Variants in NFIB observed in about 807,000 individuals in gnomAD.
NFIB encodes nuclear factor 1 B-type.
In NFIB, 11 loss-of-function variants were observed where a neutral mutation model predicts 61.5. The observed-to-expected ratio is 0.18, with a 90% CI of 0.11 to 0.30. The LOEUF (loss-of-function observed/expected upper bound fraction) is 0.30, where lower values mean the gene tolerates loss of function less well. Among genes scored for constraint, NFIB ranks in the 10% least tolerant of loss-of-function variants. The pLI, the probability that NFIB is intolerant of heterozygous loss-of-function variation, is 1.00. For synonymous variants in NFIB, 260 were observed against 216.5 expected (o/e 1.20, Z -1.76); for missense variants, 471 against 608.9 (o/e 0.77, Z 2.38).
chr9:14,224,615 C>T (rs2052128855), intron 2 of NFIB, among the ~76,000 whole-genome samples: 1 of 152,198 alleles, frequency 6.6e-6, no homozygotes, highest in Non-Finnish European at 1.5e-5. Context: ...TATGTAGGCA[C>T]TGTATTAGGT....
At chr9:14,326,014 A>G (rs1210218338) in intron 1 of NFIB, among the ~76,000 whole-genome samples, 1 of 152,164 alleles carries the variant, frequency 6.6e-6, no homozygotes, top group East Asian at 1.9e-4. Context: ...CTAATTATAT[A>G]AAAATAGGGA....
At chr9:14,513,868 G>C in the NFIB span, among the ~76,000 whole-genome samples, 1 of 152,138 alleles carries the variant, frequency 6.6e-6, no homozygotes, top group Non-Finnish European at 1.5e-5. Context: ...CCACTTCAGA[G>C]TTTTAATGAG....
At chr9:14,484,168 G>A in the NFIB span, among the ~76,000 whole-genome samples, 1 of 152,310 alleles carries the variant, frequency 6.6e-6, no homozygotes, top group African/African-American at 2.4e-5. Context: ...CTTAAAAAAT[G>A]TAACTTACTC....
chr9:14,315,338 G>A (rs1229744211), upstream of NFIB, among the ~76,000 whole-genome samples: 1 of 150,880 alleles, frequency 6.6e-6, no homozygotes, highest in Non-Finnish European at 1.5e-5. Context: ...CGCTCTGAGC[G>A]GGAGGACCGG....
intron 1 of NFIB, among the ~76,000 whole-genome samples, chr9:14,325,191 T>C (rs1403980315): frequency 2.0e-5 from 3 of 152,082 alleles, no homozygotes; most frequent in African/African-American, 7.2e-5. Context: ...TAAATAATTA[T>C]TCATTTTTTA....
intron 6 of NFIB, among the ~76,000 whole-genome samples, chr9:14,134,942 A>G (rs1031396726): frequency 9.9e-5 from 15 of 151,072 alleles, no homozygotes; most frequent in African/African-American, 3.2e-4. Flanking sequence ...GATATGGTAA[A>G]ATGCCATTAG....
chr9:14,385,769 G>C (rs1409139418), intron 1 of NFIB, among the ~76,000 whole-genome samples: 2 of 151,524 alleles, frequency 1.3e-5, no homozygotes, highest in African/African-American at 4.9e-5. Flanking sequence ...TATGGGATCA[G>C]AGACACAGTG....
At chr9:14,385,339 A>T (rs752099766) in intron 1 of NFIB, among the ~76,000 whole-genome samples, 11 of 152,192 alleles carry the variant, frequency 7.2e-5, no homozygotes, top group Non-Finnish European at 1.5e-4. Context: ...CTAACTTTCA[A>T]ACTGCCTTCT....
rs111381621 is a variant in NFIB, at chr9:14,343,049, CG to C, written c.109-35530del. ...GTTTCTGTTGCCTAGTGAGCATGGC[CG>C]GGGGGGTAGGGGAGTGGGTGGCGAG... On this transcript the variant is annotated intron_variant, in intron 1 of 8. Transcript: ENST00000380934. Among the ~76,000 whole-genome samples, 392 of 150,196 alleles carry C rather than the reference CG, an allele frequency of 2.6e-3. 2 individuals are homozygous for C. The highest frequency in any genetic ancestry group is 9.1e-3 in the African/African-American group (371 of 40,766).
chr9:14,095,602 C>G (rs1220674150), intron 10 of NFIB, among the ~76,000 whole-genome samples: 1 of 151,932 alleles, frequency 6.6e-6, no homozygotes, highest in Admixed American at 6.6e-5. Context: ...CAAAATAGTG[C>G]CTTTCACTAG....
At position 14,290,029 on chromosome 9, in the gene NFIB, G is replaced by A. The variant is rs929473476; in HGVS notation, c.562+16960C>T. Among the ~76,000 whole-genome samples, 9 of 152,124 alleles carry A rather than the reference G, an allele frequency of 5.9e-5. No homozygotes were observed. In the East Asian group the frequency reaches 1.7e-3, roughly 29 times the overall value. ...TATCTCCCATTATGTTTGTGCCTGG[G>A]ATTGTCTTATACCCAAATGAAAGAC... On this transcript the variant is annotated intron_variant, in intron 2 of 10. Coordinates refer to ENST00000380953, the MANE Select transcript of NFIB (RefSeq NM_001190737.2).
chr9:14,259,066 T>C (rs1406012110), intron 2 of NFIB, among the ~76,000 whole-genome samples: 2 of 152,222 alleles, frequency 1.3e-5, no homozygotes, highest in Non-Finnish European at 2.9e-5. Context: ...AGGACAAATC[T>C]GAATCATAAG....
chr9:14,221,904 T>C (rs1351258697), intron 2 of NFIB, among the ~76,000 whole-genome samples: 1 of 152,110 alleles, frequency 6.6e-6, no homozygotes, highest in Non-Finnish European at 1.5e-5. Flanking sequence ...CCACCATATC[T>C]CAATTATTAA....
At chr9:14,144,524 T>C (rs182491939) in intron 6 of NFIB, among the ~76,000 whole-genome samples, 1 of 152,340 alleles carries the variant, frequency 6.6e-6, no homozygotes, top group East Asian at 1.9e-4. Flanking sequence ...GAGACTGGTG[T>C]TCTGCCTATC....
chr9:14,341,106 A>G (rs1430601314), intron 1 of NFIB, among the ~76,000 whole-genome samples: 2 of 152,220 alleles, frequency 1.3e-5, no homozygotes, highest in East Asian at 3.9e-4. Context: ...CAAGAGCCCA[A>G]GAAGAATGCA....
At chr9:14,126,875 A>T (rs185737254) in intron 6 of NFIB, among the ~76,000 whole-genome samples, 5 of 152,342 alleles carry the variant, frequency 3.3e-5, no homozygotes, top group African/African-American at 1.2e-4. Context: ...TACTTGTTCA[A>T]GACCGAATGT....
the NFIB span, among the ~76,000 whole-genome samples, chr9:14,508,403 G>A: frequency 6.6e-6 from 1 of 152,144 alleles, no homozygotes; most frequent in Non-Finnish European, 1.5e-5. Context: ...AAATTTCAAT[G>A]TCTCATACTA....
chr9:14,302,743 C>T (rs543880403), intron 2 of NFIB, among the ~76,000 whole-genome samples: 7 of 152,034 alleles, frequency 4.6e-5, no homozygotes, highest in Non-Finnish European at 7.4e-5. Context: ...TCCCGCCCCC[C>T]GACTCCCACC....
chr9:14,204,959 G>T, intron 2 of NFIB: 1 of 329,974 alleles, frequency 3.0e-6, no homozygotes, highest in South Asian at 3.7e-5. Flanking sequence ...TCACTGGGGA[G>T]GCAATGTCCT....
Sources: allele counts gnomAD v4.1 joint callset (sites outside exome capture counted in the v4.1 genomes callset), GRCh38; gene constraint gnomAD v4.1.1; transcripts MANE v1.5; gene names NCBI Gene and HGNC (gene_info 2026-07-23, HGNC 2026-07-21).